The following CPQ variants were observed in gnomAD, a reference collection of about 807,000 sequenced individuals.
CPQ encodes the protein carboxypeptidase Q.
CPQ carries 37 observed loss-of-function variants against 45.7 expected under a neutral mutation model. The observed-to-expected ratio is 0.81, with a 90% CI of 0.62 to 1.07. CPQ has a LOEUF of 1.07. Ranked by LOEUF, CPQ falls within the 50% of genes least tolerant of loss-of-function variation. CPQ has a pLI of 0.00. For missense variants in CPQ, 537 were observed against 572.9 expected (o/e 0.94, Z 0.64); for synonymous variants, 186 against 205.8 (o/e 0.90, Z 0.82).
chr8:96,944,842 T>A (rs1309628979), intron 4 of CPQ, among the ~76,000 whole-genome samples: 2 of 152,150 alleles, frequency 1.3e-5, no homozygotes, highest in Non-Finnish European at 1.5e-5. Context: ...ATTTAAAAAA[T>A]TCTTCCAGTG....
At chr8:96,747,600 T>C (rs766218578) in intron 1 of CPQ, among the ~76,000 whole-genome samples, 8 of 152,238 alleles carry the variant, frequency 5.3e-5, no homozygotes, top group Non-Finnish European at 1.0e-4. Flanking sequence ...GTAAAGATTA[T>C]TGGGCACTAC....
In CPQ at chr8:97,074,635, G is replaced by A. The variant is rs117188210; in HGVS notation, c.1255+8425G>A. On this transcript the variant is annotated intron_variant, in intron 7 of 7. Coordinates refer to ENST00000220763, the MANE Select transcript of CPQ (RefSeq NM_016134.4). Reference sequence around the variant, plus strand: ...AAAAATACAAAATTAGCCAGATGTAGTAGCGGGTGCCTGTAATCCTAGCTA... The same window carrying A: ...AAAAATACAAAATTAGCCAGATGTAATAGCGGGTGCCTGTAATCCTAGCTA... Among the ~76,000 whole-genome samples, 1,712 of 152,234 alleles carry A rather than the reference G, an allele frequency of 0.011. 68 individuals are homozygous for A. In the East Asian group the frequency reaches 0.14, roughly 12 times the overall value.
intron 1 of CPQ, among the ~76,000 whole-genome samples, chr8:96,734,896 C>T (rs1345359125): frequency 3.3e-5 from 5 of 152,142 alleles, no homozygotes; most frequent in Non-Finnish European, 2.9e-5. Flanking sequence ...CTATGCTACT[C>T]GCTCTTCCTG....
At chr8:96,954,553 G>A (rs919218378) in intron 4 of CPQ, among the ~76,000 whole-genome samples, 1 of 151,652 alleles carries the variant, frequency 6.6e-6, no homozygotes, top group African/African-American at 2.4e-5. Context: ...CTCCTTTGTG[G>A]TATCTATTAA....
chr8:96,754,441 G>C (rs1810304625), intron 1 of CPQ, among the ~76,000 whole-genome samples: 1 of 151,970 alleles, frequency 6.6e-6, no homozygotes, highest in Non-Finnish European at 1.5e-5. Context: ...ATTTTGTTAT[G>C]AGGGTTATGT....
At chr8:96,980,863 GA>G (rs1186883345) in intron 5 of CPQ, among the ~76,000 whole-genome samples, 1 of 152,160 alleles carries the variant, frequency 6.6e-6, no homozygotes, top group Admixed American at 6.5e-5. Context: ...GCACTTAATA[GA>G]TGTGTCATAA....
intron 4 of CPQ, among the ~76,000 whole-genome samples, chr8:96,917,847 C>A (rs1452816197): frequency 2.0e-5 from 3 of 152,126 alleles, no homozygotes; most frequent in Non-Finnish European, 4.4e-5. Context: ...TAGTGAAAAT[C>A]TGGTTCCCTT....
At chr8:96,695,236 T>C (rs1378395324) in intron 1 of CPQ, among the ~76,000 whole-genome samples, 21 of 149,216 alleles carry the variant, frequency 1.4e-4, no homozygotes, top group African/African-American at 5.2e-4. Flanking sequence ...TGGCTAGCCA[T>C]ATGTAGAAAG....
At chr8:96,716,845 T>C (rs2130758464) in intron 1 of CPQ, among the ~76,000 whole-genome samples, 1 of 151,248 alleles carries the variant, frequency 6.6e-6, no homozygotes, top group Admixed American at 6.6e-5. Flanking sequence ...AGGCAGAAGT[T>C]GCAGTGAGCT....
chr8:96,996,842 C>T (rs1809187183), intron 5 of CPQ, among the ~76,000 whole-genome samples: 1 of 151,880 alleles, frequency 6.6e-6, no homozygotes, highest in Non-Finnish European at 1.5e-5. Flanking sequence ...TACCATTTCC[C>T]CCAGAGCCTT....
chr8:97,142,056 G>C (rs891439202), intron 7 of CPQ, among the ~76,000 whole-genome samples: 4 of 152,108 alleles, frequency 2.6e-5, no homozygotes, highest in Non-Finnish European at 4.4e-5. Flanking sequence ...CAGTGGGCAG[G>C]GGTGTCATAA....
intron 5 of CPQ, among the ~76,000 whole-genome samples, chr8:96,987,859 A>C (rs1809018101): frequency 6.6e-6 from 1 of 152,206 alleles, no homozygotes; most frequent in African/African-American, 2.4e-5. Context: ...TTGTGGTCAC[A>C]GTAGAAAATT....
chr8:97,109,007 G>A (rs1000700107), intron 7 of CPQ, among the ~76,000 whole-genome samples: 4 of 152,172 alleles, frequency 2.6e-5, no homozygotes, highest in African/African-American at 7.2e-5. Context: ...AGCATTCAGA[G>A]ATGCTCTCCT....
chr8:96,716,755 A>G (rs111730955), intron 1 of CPQ, among the ~76,000 whole-genome samples: 3,141 of 151,960 alleles, frequency 0.021, 122 homozygotes, highest in African/African-American at 0.072. Context: ...TAAAAATACA[A>G]CATTAGCTGG....
intron 6 of CPQ, among the ~76,000 whole-genome samples, chr8:97,042,374 C>A (rs1162845802): frequency 1.3e-5 from 2 of 152,126 alleles, no homozygotes; most frequent in Admixed American, 1.3e-4. Flanking sequence ...ATTCTTCTCT[C>A]TTTTCTTCTT....
intron 7 of CPQ, among the ~76,000 whole-genome samples, chr8:97,108,237 A>G (rs1483956293): frequency 6.6e-6 from 1 of 152,234 alleles, no homozygotes. Flanking sequence ...TAGTTTCTCC[A>G]TGAGGAAACT....
At chr8:96,866,385 T>A (rs1394390286) in intron 3 of CPQ, among the ~76,000 whole-genome samples, 2 of 152,038 alleles carry the variant, frequency 1.3e-5, no homozygotes, top group Non-Finnish European at 2.9e-5. Flanking sequence ...TTTAGGGAAA[T>A]TTCTCAGCAC....
intron 4 of CPQ, among the ~76,000 whole-genome samples, chr8:96,895,499 T>G (rs1812432229): frequency 6.6e-6 from 1 of 152,220 alleles, no homozygotes; most frequent in Non-Finnish European, 1.5e-5. Flanking sequence ...TTAGATGTTT[T>G]GATTATACAT....
Position 97,123,002 on chromosome 8 carries a change from T to TAAAATAAAATAA in CPQ, c.1256-20017_1256-20016insAAATAAAATAAA, listed in dbSNP as rs1356753477. On this transcript the variant is annotated intron_variant, in intron 7 of 7. Coordinates refer to ENST00000220763, the MANE Select transcript of CPQ (RefSeq NM_016134.4). ...AAAATTAAAATAAAATAAAATAAAA[T>TAAAATAAAATAA]ATAAAATAAAATAAAATAAAATAAA... Among the ~76,000 whole-genome samples the TAAAATAAAATAA allele has an allele frequency of 1.3e-4, 2 of 15,198 alleles. 1 individual carries two copies. Among genetic ancestry groups the TAAAATAAAATAA allele is most frequent in the Non-Finnish European group, 2.2e-4 (2 of 8,972 alleles). 10.0% of individuals were successfully genotyped at this position (15,198 alleles called of 152,430 possible). A position where few individuals can be genotyped will look rare whatever the true frequency, so the allele number is the denominator to read the frequency against.
Sources: gnomAD v4.1 joint callset for allele counts (sites outside exome capture counted in the v4.1 genomes callset) on GRCh38, gnomAD v4.1.1 for gene constraint, MANE v1.5 for transcripts, NCBI Gene and HGNC (gene_info 2026-07-23, HGNC 2026-07-21) for gene names.